MICU1: variants seen among roughly 807,000 people sequenced by gnomAD.
MICU1 encodes mitochondrial calcium uptake 1.
Under a neutral mutation model 56.8 loss-of-function variants are expected in MICU1, and 45 were observed. The observed-to-expected ratio is 0.79, with a 90% CI of 0.62 to 1.02. MICU1 has a LOEUF of 1.02. Ranked by LOEUF, MICU1 falls within the 50% of genes least tolerant of loss-of-function variation. The pLI is 0.00. For synonymous variants in MICU1, 186 were observed against 195.1 expected (o/e 0.95, Z 0.39); for missense variants, 504 against 587.1 (o/e 0.86, Z 1.46).
At chr10:72,558,731 C>A (rs952711256) in intron 3 of MICU1, among the ~76,000 whole-genome samples, 1 of 152,092 alleles carries the variant, frequency 6.6e-6, no homozygotes, top group Non-Finnish European at 1.5e-5. Context: ...GAGAAAGCAG[C>A]CACTCAAGCA....
chr10:72,554,529 G>C (rs1336755026), intron 3 of MICU1, among the ~76,000 whole-genome samples: 1 of 152,264 alleles, frequency 6.6e-6, no homozygotes, highest in African/African-American at 2.4e-5. Context: ...TAAATGGCCT[G>C]CATTCTGTCA....
At chr10:72,547,797 G>A (rs777397596) in intron 4 of MICU1, among the ~76,000 whole-genome samples, 2 of 152,112 alleles carry the variant, frequency 1.3e-5, no homozygotes, top group African/African-American at 2.4e-5. Context: ...AATAAATGGT[G>A]TCTAGTTTGG....
At chr10:72,458,262 A>G (rs1323589016) in intron 8 of MICU1, among the ~76,000 whole-genome samples, 2 of 152,200 alleles carry the variant, frequency 1.3e-5, no homozygotes, top group African/African-American at 4.8e-5. Flanking sequence ...CTTAGCAATG[A>G]TGACTGCAAC....
rs909978571 is a variant in MICU1 at position 72,367,869 on chromosome 10, G to C, written c.*326C>G. On this transcript the variant is annotated 3_prime_UTR_variant, in exon 12 of 12. Coordinates refer to ENST00000361114, the MANE Select transcript of MICU1 (RefSeq NM_001195518.2). Reference sequence around the variant, plus strand: ...CGATTTGAGAACTGGATGCTTCCCAGGGTTGGCAGGTGTGTGGATGGTTCC... The same window carrying C: ...CGATTTGAGAACTGGATGCTTCCCACGGTTGGCAGGTGTGTGGATGGTTCC... 1 of 258,108 alleles carries C rather than the reference G, an allele frequency of 3.9e-6. No homozygotes were observed. 16.0% of individuals were successfully genotyped at this position (258,108 alleles called of 1,614,324 possible).
Position 72,370,430 on chromosome 10 carries a change from T to C in MICU1, c.1271-2075A>G, listed in dbSNP as rs1307954725. 3.3e-5 allele frequency among the ~76,000 whole-genome samples: 5 copies of C among 152,098 alleles called. No homozygotes were observed. In the East Asian group the frequency reaches 9.6e-4, roughly 29 times the overall value. On this transcript the variant is annotated intron_variant, in intron 11 of 11. Transcript: ENST00000361114. ...ACCCAAAACCTAAACTGGCTCATGT[T>C]TTCTGGCTGAAGAGAGTATGGGCAT...
rs142427204 is a variant in MICU1, at chr10:72,498,181, T to C, written c.652+9974A>G. Among the ~76,000 whole-genome samples, 979 of 152,348 alleles carry C rather than the reference T, an allele frequency of 6.4e-3. 7 individuals are homozygous for C. Among genetic ancestry groups the C allele is most frequent in the Non-Finnish European group, 0.012 (816 of 68,028 alleles). ...GGACAAGTCAGATGAGAAGAAGGAA[T>C]ACTTTTACATGTTAGGTCAGTTTCT... On this transcript the variant is annotated intron_variant, in intron 6 of 11. Coordinates refer to ENST00000361114, the MANE Select transcript of MICU1 (RefSeq NM_001195518.2).
At chr10:72,578,718 C>T (rs1044455188) in intron 1 of MICU1, among the ~76,000 whole-genome samples, 3 of 152,070 alleles carry the variant, frequency 2.0e-5, no homozygotes, top group Admixed American at 2.0e-4. Context: ...AGCGACTCTC[C>T]TGCCTCAGTC....
intron 5 of MICU1, among the ~76,000 whole-genome samples, chr10:72,517,794 T>A (rs1867694691): frequency 6.7e-6 from 1 of 149,690 alleles, no homozygotes; most frequent in African/African-American, 2.6e-5. Flanking sequence ...TTTTTTTTTT[T>A]TTAAAGAAAA....
intron 4 of MICU1, among the ~76,000 whole-genome samples, chr10:72,546,283 G>A (rs1309932189): frequency 6.6e-6 from 1 of 152,196 alleles, no homozygotes; most frequent in Non-Finnish European, 1.5e-5. Flanking sequence ...TTAGACTAAA[G>A]CTGCCTCCTT....
At chr10:72,368,813 G>A (rs1862232200) in intron 11 of MICU1, among the ~76,000 whole-genome samples, 1 of 152,162 alleles carries the variant, frequency 6.6e-6, no homozygotes, top group Non-Finnish European at 1.5e-5. Flanking sequence ...AATCTCACAG[G>A]ATTAGCAGCA....
chr10:72,454,285 T>C (rs1488751662), intron 8 of MICU1, among the ~76,000 whole-genome samples: 2 of 149,388 alleles, frequency 1.3e-5, no homozygotes, highest in Non-Finnish European at 3.0e-5. Flanking sequence ...AGAAACCCCA[T>C]CTCTACTAAA....
chr10:72,530,329 A>G lies in MICU1; in HGVS notation c.537+3417T>C, dbSNP rs200835981. Among the ~76,000 whole-genome samples, 72 of 58,186 alleles carry G rather than the reference A, an allele frequency of 1.2e-3. 2 individuals carry two copies. The East Asian group carries it at 0.014, about 11-fold the overall frequency. The allele number at this position is 58,186 out of a possible 152,430, so 38.2% of individuals were successfully genotyped here. A position where few individuals can be genotyped will look rare whatever the true frequency, so the allele number is the denominator to read the frequency against. ...GCCTGGGTGACAGGAGCGAAACTCC[A>G]TATCAAAATAATAATAATAATAATA... On this transcript the variant is annotated intron_variant, in intron 5 of 11. Transcript: ENST00000361114.
intron 5 of MICU1, among the ~76,000 whole-genome samples, chr10:72,516,490 T>C (rs1867649411): frequency 6.6e-6 from 1 of 152,240 alleles, no homozygotes; most frequent in African/African-American, 2.4e-5. Flanking sequence ...TCTGGTGTTT[T>C]AGTCATGAAG....
intron 8 of MICU1, among the ~76,000 whole-genome samples, chr10:72,443,103 G>T (rs1304687807): frequency 6.6e-6 from 1 of 152,128 alleles, no homozygotes; most frequent in Non-Finnish European, 1.5e-5. Context: ...GTTTTGATTT[G>T]CATTTCTCTG....
intron 10 of MICU1, among the ~76,000 whole-genome samples, chr10:72,384,149 A>G (rs1589156999): frequency 6.6e-6 from 1 of 152,130 alleles, no homozygotes; most frequent in South Asian, 2.1e-4. Context: ...TCGCGCCACC[A>G]TGCCTGGCTA....
At chr10:72,615,918 G>A (rs1841967748) in intron 1 of MICU1, among the ~76,000 whole-genome samples, 2 of 152,164 alleles carry the variant, frequency 1.3e-5, no homozygotes, top group African/African-American at 4.8e-5. Context: ...GAACCCGGGA[G>A]GCGGAGCTGG....
At chr10:72,455,203 T>C (rs2132222747) in intron 8 of MICU1, among the ~76,000 whole-genome samples, 1 of 151,732 alleles carries the variant, frequency 6.6e-6, no homozygotes, top group African/African-American at 2.4e-5. Context: ...AGTACAAAAA[T>C]TAGCCGGATG....
intron 6 of MICU1, among the ~76,000 whole-genome samples, chr10:72,500,976 A>C (rs1278382082): frequency 6.6e-6 from 1 of 152,204 alleles, no homozygotes; most frequent in Non-Finnish European, 1.5e-5. Flanking sequence ...GCTACTAATA[A>C]CCATGCTTGT....
At chr10:72,431,706 TC>T in intron 8 of MICU1, among the ~76,000 whole-genome samples, 1 of 152,178 alleles carries the variant, frequency 6.6e-6, no homozygotes, top group South Asian at 2.1e-4. Flanking sequence ...CTTGGTATTG[TC>T]AGTTTTTATT....
Sources: allele counts gnomAD v4.1 joint callset (sites outside exome capture counted in the v4.1 genomes callset), GRCh38; gene constraint gnomAD v4.1.1; transcripts MANE v1.5; gene names NCBI Gene and HGNC (gene_info 2026-07-23, HGNC 2026-07-21).